FAM78B: variants seen among roughly 807,000 people sequenced by gnomAD.
FAM78B encodes family with sequence similarity 78 member B.
In FAM78B, 10 loss-of-function variants were observed where a neutral mutation model predicts 20.0. That is an observed-to-expected ratio of 0.50 (90% confidence interval 0.31 to 0.85). The LOEUF (loss-of-function observed/expected upper bound fraction) is 0.85, where lower values mean the gene tolerates loss of function less well. Among genes scored for constraint, FAM78B ranks in the 40% least tolerant of loss-of-function variants. FAM78B has a pLI of 0.05. For missense variants in FAM78B, 283 were observed against 345.0 expected (o/e 0.82, Z 1.42); for synonymous variants, 135 against 132.8 (o/e 1.02, Z -0.12).
chr1:166,157,579 C>T (rs1359478807), intron 1 of FAM78B, among the ~76,000 whole-genome samples: 1 of 152,080 alleles, frequency 6.6e-6, no homozygotes, highest in Non-Finnish European at 1.5e-5. Context: ...AGAAAAGGAA[C>T]AGTGCAGGAA....
Position 166,085,573 on chromosome 1 carries a change from CTGAA to C in FAM78B, c.264-14814_264-14811del, listed in dbSNP as rs200895066. 3.9e-3 allele frequency among the ~76,000 whole-genome samples: 595 copies of C among 152,306 alleles called. 8 individuals carry two copies. In the East Asian group the frequency reaches 0.055, roughly 14 times the overall value. On this transcript the variant is annotated intron_variant, in intron 1 of 1. Coordinates refer to ENST00000354422, the MANE Select transcript of FAM78B (RefSeq NM_001017961.5). ...TCAGGAGTTACTAGATACTTATCAG[CTGAA>C]TGAATGAATGAACCAGGGCAGGTCT...
At chr1:166,125,459 G>C (rs1652022798) in intron 1 of FAM78B, among the ~76,000 whole-genome samples, 1 of 152,188 alleles carries the variant, frequency 6.6e-6, no homozygotes, top group African/African-American at 2.4e-5. Context: ...CTGCCAGTGG[G>C]ACCTGAAACT....
At chr1:166,131,588 G>A (rs763172395) in intron 1 of FAM78B, among the ~76,000 whole-genome samples, 10 of 152,120 alleles carry the variant, frequency 6.6e-5, no homozygotes, top group South Asian at 2.1e-4. Context: ...ATCTTAGGGG[G>A]CTCTGCTGGG....
At chr1:166,126,856 C>T (rs1654664313) in intron 1 of FAM78B, among the ~76,000 whole-genome samples, 1 of 152,150 alleles carries the variant, frequency 6.6e-6, no homozygotes, top group South Asian at 2.1e-4. Context: ...GGAATGCACC[C>T]AGGTGGTCTC....
intron 1 of FAM78B, among the ~76,000 whole-genome samples, chr1:166,109,814 GTATATATA>G (rs201957585): frequency 0.086 from 2,817 of 32,624 alleles, 515 homozygotes; most frequent in Middle Eastern, 0.24. Flanking sequence ...ATGTATATAT[GTATATATA>G]TATATATATG....
rs376805056 is a variant in FAM78B at position 166,134,402 on chromosome 1, C to A, written c.263+31584G>T. On this transcript the variant is annotated intron_variant, in intron 1 of 1. Transcript: ENST00000354422. The stretch of plus-strand genomic sequence containing the variant: ...CAACTAGCTAGTGGCAGAGGCAGGA[C>A]TGCAGCTCAGGTTTCCCATCTTATG... Among the ~76,000 whole-genome samples the A allele has an allele frequency of 2.6e-5, 4 of 152,144 alleles. No homozygotes were observed. The East Asian group carries it at 7.7e-4, about 29-fold the overall frequency.
At chr1:166,128,100 T>C (rs553553011) in intron 1 of FAM78B, among the ~76,000 whole-genome samples, 2 of 152,200 alleles carry the variant, frequency 1.3e-5, no homozygotes, top group Non-Finnish European at 2.9e-5. Flanking sequence ...GAAGGAAATG[T>C]GGAAACTGAG....
intron 1 of FAM78B, among the ~76,000 whole-genome samples, chr1:166,102,432 G>A (rs1173443670): frequency 4.6e-5 from 7 of 152,126 alleles, no homozygotes; most frequent in Non-Finnish European, 8.8e-5. Flanking sequence ...AAAGAGTCAA[G>A]ACCCATCAGT....
Position 166,109,874 on chromosome 1 carries a change from A to G in FAM78B, c.264-39111T>C, listed in dbSNP as rs1194426581. Among the ~76,000 whole-genome samples the G allele has an allele frequency of 9.3e-3, 165 of 17,782 alleles. 25 individuals carry two copies. The highest frequency in any genetic ancestry group is 0.013 in the Non-Finnish European group (130 of 9,670). The allele number at this position is 17,782 out of a possible 152,430, so 11.7% of individuals were successfully genotyped here. A position where few individuals can be genotyped will look rare whatever the true frequency, so the allele number is the denominator to read the frequency against. On this transcript the variant is annotated intron_variant, in intron 1 of 1. Transcript: ENST00000354422. ...TATATATATATATGTATGTGTATATATATATATGTATATATGTATATATAT... is the reference window on the plus strand; with the variant it reads ...TATATATATATATGTATGTGTATATGTATATATGTATATATGTATATATAT...
chr1:166,069,974 C>G lies in FAM78B; in HGVS notation c.*267G>C. On this transcript the variant is annotated 3_prime_UTR_variant, in exon 2 of 2. Transcript: ENST00000354422. ...GTTCAGATAAAAGAATCATCCTGGT[C>G]AGCTCCAAAATATGGCTACTTGCAT... is the stretch of plus-strand genomic sequence containing the variant. 8.5e-7 allele frequency: 1 copy of G among 1,179,686 alleles called. No homozygotes were observed. 73.1% of individuals were successfully genotyped at this position (1,179,686 alleles called of 1,614,324 possible).
At chr1:166,137,542 C>T (rs906811977) in intron 1 of FAM78B, among the ~76,000 whole-genome samples, 4 of 151,524 alleles carry the variant, frequency 2.6e-5, no homozygotes, top group African/African-American at 9.7e-5. Flanking sequence ...TGTCCTAATA[C>T]TAGTTATACT....
In FAM78B at chr1:166,163,639, G is replaced by A. The variant is rs148897207; in HGVS notation, c.263+2347C>T. Among the ~76,000 whole-genome samples the A allele has an allele frequency of 1.8e-3, 276 of 152,278 alleles. 1 individual carries two copies. The highest frequency in any genetic ancestry group is 6.3e-3 in the African/African-American group (262 of 41,532). On this transcript the variant is annotated intron_variant, in intron 1 of 1. Transcript: ENST00000354422. Reference sequence around the variant, plus strand: ...GCTAAAGTAGACATAATAACTAATAGACTGCAGCAACTTTCATGCAATATG... The same window carrying A: ...GCTAAAGTAGACATAATAACTAATAAACTGCAGCAACTTTCATGCAATATG...
chr1:166,070,083 C>T lies in FAM78B; in HGVS notation c.*158G>A. On this transcript the variant is annotated 3_prime_UTR_variant, in exon 2 of 2. Transcript: ENST00000354422. ...TTTCCTAAGGATTATGGTTCTACCA[C>T]CCAAGGAGCAGCCCTACTCTTCAAA... 3.0e-6 allele frequency: 4 copies of T among 1,323,654 alleles called. No individual in the cohort carries two copies. The highest frequency in any genetic ancestry group is 3.0e-5 in the South Asian group (1 of 33,378). The allele number at this position is 1,323,654 out of a possible 1,614,324, so 82.0% of individuals were successfully genotyped here.
chr1:166,116,412 G>T (rs1330884984), intron 1 of FAM78B, among the ~76,000 whole-genome samples: 1 of 152,170 alleles, frequency 6.6e-6, no homozygotes, highest in African/African-American at 2.4e-5. Flanking sequence ...GCCAGGTTTG[G>T]CTCTGTCCAG....
chr1:166,060,503 G>C, exon 3 of FAM78B: 1 of 867,260 alleles, frequency 1.2e-6, no homozygotes, highest in Non-Finnish European at 1.7e-6. Flanking sequence ...GTCACGGGAC[G>C]GGAGGAAGGC....
At chr1:166,075,418 G>A (rs1652228485) in intron 1 of FAM78B, among the ~76,000 whole-genome samples, 1 of 152,128 alleles carries the variant, frequency 6.6e-6, no homozygotes, top group African/African-American at 2.4e-5. Context: ...GGCAAGTATG[G>A]CTGATTGTGT....
In FAM78B at chr1:166,070,440, T is replaced by A; in HGVS notation, c.587A>T (p.Asp196Val). ...LQTIKWRMRV[D>V]IEVDPLQLLG... ...GAGCTGAAGAGGGTCCACTTCAATG[T>A]CCACCCTCATCCTCCACTTGATGGT... Residue 196 changes from aspartate to valine, a missense_variant, in exon 2 of 2, where the codon GAC (aspartate) becomes GTC (valine). Coordinates refer to ENST00000354422, the MANE Select transcript of FAM78B (RefSeq NM_001017961.5). 6.2e-7 allele frequency: 1 copy of A among 1,614,198 alleles called. No individual in the cohort carries two copies. The highest frequency in any genetic ancestry group is 8.5e-7 in the Non-Finnish European group (1 of 1,180,016).
chr1:166,082,188 C>T (rs1271198570), intron 1 of FAM78B, among the ~76,000 whole-genome samples: 2 of 152,182 alleles, frequency 1.3e-5, no homozygotes, highest in South Asian at 2.1e-4. Flanking sequence ...TTATTTGCCC[C>T]ACCAGTTCTC....
chr1:166,131,811 G>GA (rs1654887481), intron 1 of FAM78B, among the ~76,000 whole-genome samples: 1 of 152,206 alleles, frequency 6.6e-6, no homozygotes, highest in Non-Finnish European at 1.5e-5. Flanking sequence ...GTCCTGAACT[G>GA]AAGACCCCAG....
Sources: allele counts gnomAD v4.1 joint callset (sites outside exome capture counted in the v4.1 genomes callset), GRCh38; gene constraint gnomAD v4.1.1; transcripts MANE v1.5; gene names NCBI Gene and HGNC (gene_info 2026-07-23, HGNC 2026-07-21).